SMCO3: variants seen among roughly 807,000 people sequenced by gnomAD.
SMCO3 encodes single-pass membrane protein with coiled-coil domains 3, also known as single-pass membrane and coiled-coil domain-containing protein 3.
SMCO3 carries 6 observed loss-of-function variants against 12.0 expected under a neutral mutation model. The observed-to-expected ratio is 0.50, with a 90% CI of 0.27 to 0.99. The LOEUF is 0.99. SMCO3 is among the 50% of genes least tolerant of loss of function. The probability of loss-of-function intolerance (pLI) is 0.11; values close to 1 mark genes in which losing one functional copy is unlikely to be tolerated. For missense variants in SMCO3, 279 were observed against 265.0 expected, an observed-to-expected ratio of 1.05 and a Z score of -0.37; for synonymous variants, 96 against 96.4, an observed-to-expected ratio of 1.00 and a Z score of 0.02.
At chr12:14,810,608 G>A (rs570496192) in intron 1 of SMCO3, among the ~76,000 whole-genome samples, 1 of 152,208 alleles carries the variant, frequency 6.6e-6, no homozygotes, top group South Asian at 2.1e-4. Context: ...GGTACACTTG[G>A]TATTTGACTT....
intron 1 of SMCO3, 27 bp from the exon 2 acceptor site, chr12:14,806,723 C>T (rs1950058242): frequency 6.5e-7 from 1 of 1,531,638 alleles, no homozygotes; most frequent in South Asian, 1.3e-5. Flanking sequence ...TAAATTTTTA[C>T]TGAAAGTCTT....
Position 14,806,476 on chromosome 12 carries a change from T to C in SMCO3, c.205A>G (p.Ile69Val). ...TGGATTTTCATAATGGCTTGGATGA[T>C]GAGGTCACAGTTTTCTTTGATGGTC... ...DGTIKENCDLIIQAIMKIQKE... is the reference protein window; with the variant it reads ...DGTIKENCDLVIQAIMKIQKE... The change falls in exon 2 of 2, where the codon ATC becomes GTC. Residue 69 changes from isoleucine to valine, a missense_variant. Ile to Val is a conservative substitution (Grantham distance 29). Transcript: ENST00000316048. 6.2e-7 allele frequency: 1 copy of C among 1,614,164 alleles called. No homozygotes were observed. Among genetic ancestry groups the C allele is most frequent in the Non-Finnish European group, 8.5e-7 (1 of 1,180,020 alleles).
At position 14,805,860 on chromosome 12, in the gene SMCO3, G is replaced by T; in HGVS notation, c.*143C>A. On this transcript the variant is annotated 3_prime_UTR_variant, in exon 2 of 2. Transcript: ENST00000316048. ...AAACTCATCTAGTCATCTAGTCTTG[G>T]CATCTCCAGTTTCCCTCTCCAAATT... The T allele has an allele frequency of 3.7e-6, 3 of 811,166 alleles. No individual in the cohort carries two copies. Among genetic ancestry groups the T allele is most frequent in the Admixed American group, 5.8e-5 (2 of 34,684 alleles). The allele number at this position is 811,166 out of a possible 1,614,324, so 50.2% of individuals were successfully genotyped here. A position where few individuals can be genotyped will look rare whatever the true frequency, so the allele number is the denominator to read the frequency against.
intron 1 of SMCO3, among the ~76,000 whole-genome samples, chr12:14,809,509 A>T (rs972026914): frequency 6.6e-6 from 1 of 152,198 alleles, no homozygotes; most frequent in Non-Finnish European, 1.5e-5. Context: ...TATCTGTTTA[A>T]TAATAATAAA....
intron 1 of SMCO3, among the ~76,000 whole-genome samples, chr12:14,813,200 G>A (rs532884045): frequency 1.3e-5 from 2 of 152,270 alleles, no homozygotes; most frequent in Admixed American, 6.5e-5. Flanking sequence ...AAAGAAAAAC[G>A]TGACCCTGTC....
At chr12:14,814,081 A>G (rs1364584988) in intron 1 of SMCO3, 45 bp downstream of exon 1, 2 of 152,202 alleles carry the variant, frequency 1.3e-5, no homozygotes, top group Non-Finnish European at 2.9e-5. Context: ...CTACTGAGAA[A>G]CAGAGTATTA....
intron 1 of SMCO3, among the ~76,000 whole-genome samples, chr12:14,812,315 G>A (rs1050837408): frequency 1.3e-5 from 2 of 152,180 alleles, no homozygotes; most frequent in Non-Finnish European, 2.9e-5. Context: ...GCGGTGGCGG[G>A]CGCCTGTAGT....
intron 1 of SMCO3, among the ~76,000 whole-genome samples, chr12:14,812,454 A>G (rs1362577025): frequency 1.3e-5 from 2 of 152,170 alleles, no homozygotes; most frequent in Admixed American, 6.5e-5. Flanking sequence ...AAAAAAAAAA[A>G]AAATTTTATT....
rs1245299914 is a variant in SMCO3 at position 14,806,652 on chromosome 12, T to C, written c.29A>G (p.Glu10Gly). The C allele has an allele frequency of 1.8e-5, 29 of 1,608,336 alleles. No individual in the cohort carries two copies. Among genetic ancestry groups the C allele is most frequent in the Non-Finnish European group, 2.5e-5 (29 of 1,178,082 alleles). Residue 10 changes from glutamate to glycine, a missense_variant, in exon 2 of 2, where the codon GAG becomes GGG. By Grantham distance (98) the Glu-to-Gly change is moderately conservative. Transcript: ENST00000316048. ...TACTTCTTCCCGCCTTTTTGGGTTC[T>C]CTGGGTAAAGGAAGTCACTTTGGGC... MAQSDFLYP[E>G]NPKRREEVNR...
rs369424819 is a variant in SMCO3, at chr12:14,805,996, C to T, written c.*7G>A. On this transcript the variant is annotated 3_prime_UTR_variant, in exon 2 of 2. Coordinates refer to ENST00000316048, the MANE Select transcript of SMCO3 (RefSeq NM_001013698.2). Reference sequence around the variant, plus strand: ...AAAAACACTTCAGTGGCAAATAAAACGGCTGTTCATTTCATTTGGTGTTTC... The same window carrying T: ...AAAAACACTTCAGTGGCAAATAAAATGGCTGTTCATTTCATTTGGTGTTTC... 348 of 1,590,512 alleles carry T rather than the reference C, an allele frequency of 2.2e-4. 1 individual carries two copies. The African/African-American group carries it at 3.9e-3, about 18-fold the overall frequency.
At chr12:14,812,954 T>A (rs1022272423) in intron 1 of SMCO3, among the ~76,000 whole-genome samples, 8 of 152,128 alleles carry the variant, frequency 5.3e-5, no homozygotes, top group African/African-American at 1.7e-4. Flanking sequence ...AAAAGAGAAG[T>A]TCTTGCCTAT....
chr12:14,807,257 TTCA>T (rs1239862659), intron 1 of SMCO3, among the ~76,000 whole-genome samples: 3 of 152,216 alleles, frequency 2.0e-5, no homozygotes, highest in East Asian at 1.9e-4. Context: ...GTGAGAAATA[TTCA>T]TCGTTTGTCA....
intron 1 of SMCO3, among the ~76,000 whole-genome samples, chr12:14,813,566 C>T (rs1014090938): frequency 6.6e-6 from 1 of 152,236 alleles, no homozygotes; most frequent in Non-Finnish European, 1.5e-5. Flanking sequence ...GGTGAAGCCT[C>T]TACTGTGTCC....
rs546128121 is a variant in SMCO3, at chr12:14,804,997, C to T, written c.*1006G>A. ...GTTGGCAAAGGATTTAGAAAACAAACACATCTGCAGAGATTCAGCGGAACC... is the reference window on the plus strand; with the variant it reads ...GTTGGCAAAGGATTTAGAAAACAAATACATCTGCAGAGATTCAGCGGAACC... On this transcript the variant is annotated 3_prime_UTR_variant, in exon 2 of 2. Transcript: ENST00000316048. 6.7e-6 allele frequency: 1 copy of T among 149,624 alleles called. No homozygotes were observed. The highest frequency in any genetic ancestry group is 2.4e-5 in the African/African-American group (1 of 41,408). The allele number at this position is 149,624 out of a possible 1,614,324, so 9.3% of individuals were successfully genotyped here.
chr12:14,806,632 C>G lies in SMCO3; in HGVS notation c.49G>C (p.Glu17Gln). The stretch of plus-strand genomic sequence containing the variant: ...AGCTGCTGGTGAAGACGATTTACTT[C>G]TTCCCGCCTTTTTGGGTTCTCTGGG... ...LYPENPKRRE[E>Q]VNRLHQQLLD... Residue 17 changes from glutamate (E) to glutamine (Q), a missense_variant, in exon 2 of 2, where the codon GAA (glutamate) becomes CAA (glutamine). Coordinates refer to ENST00000316048, the MANE Select transcript of SMCO3 (RefSeq NM_001013698.2). 3 of 1,611,412 alleles carry G rather than the reference C, an allele frequency of 1.9e-6. No individual in the cohort carries two copies. The highest frequency in any genetic ancestry group is 1.7e-6 in the Non-Finnish European group (2 of 1,179,190).
chr12:14,808,304 G>A lies in SMCO3; in HGVS notation c.-16-1608C>T, dbSNP rs563669406. Reference sequence around the variant, plus strand: ...TTATTTGGGTGAAAAATCTAAATTTGAGCCAGTAAGAGCACGATGCTACTC... The same window carrying A: ...TTATTTGGGTGAAAAATCTAAATTTAAGCCAGTAAGAGCACGATGCTACTC... On this transcript the variant is annotated intron_variant, in intron 1 of 1. Transcript: ENST00000316048. Among the ~76,000 whole-genome samples, 24 of 152,116 alleles carry A rather than the reference G, an allele frequency of 1.6e-4. No individual in the cohort carries two copies. In the South Asian group the frequency reaches 5.0e-3, roughly 32 times the overall value.
intron 1 of SMCO3, among the ~76,000 whole-genome samples, chr12:14,807,223 ATTAAG>A (rs1282841195): frequency 3.9e-5 from 6 of 152,258 alleles, no homozygotes; most frequent in Non-Finnish European, 7.3e-5. Flanking sequence ...TGATGGATAA[ATTAAG>A]TTATTAGATT....
intron 1 of SMCO3, among the ~76,000 whole-genome samples, chr12:14,808,619 G>T (rs1950091706): frequency 6.6e-6 from 1 of 152,252 alleles, no homozygotes; most frequent in East Asian, 1.9e-4. Context: ...AAATCGTATG[G>T]ATATAAGTTG....
At chr12:14,812,043 T>C (rs1052920230) in intron 1 of SMCO3, among the ~76,000 whole-genome samples, 5 of 152,254 alleles carry the variant, frequency 3.3e-5, no homozygotes, top group Admixed American at 1.3e-4. Context: ...ATTTTTGTTA[T>C]TCTTTTTCAA....
Sources: allele counts gnomAD v4.1 joint callset (sites outside exome capture counted in the v4.1 genomes callset), GRCh38; gene constraint gnomAD v4.1.1; transcripts MANE v1.5; gene names NCBI Gene and HGNC (gene_info 2026-07-23, HGNC 2026-07-21).